PDE10A: variants seen among roughly 807,000 people sequenced by gnomAD.
The protein encoded by PDE10A is phosphodiesterase 10A.
Under a neutral mutation model 97.7 loss-of-function variants are expected in PDE10A, and 39 were observed. That is an observed-to-expected ratio of 0.40 (90% CI 0.31 to 0.52). The LOEUF is 0.52. Ranked by LOEUF, PDE10A falls within the 20% of genes least tolerant of loss-of-function variation. PDE10A has a pLI of 0.56. For missense variants in PDE10A, 731 were observed against 1,047.8 expected, an observed-to-expected ratio of 0.70 and a Z score of 4.17; for synonymous variants, 371 against 376.8, an observed-to-expected ratio of 0.98 and a Z score of 0.18.
At chr6:165,610,508 G>A (rs1787440144) in intron 1 of PDE10A, among the ~76,000 whole-genome samples, 1 of 149,476 alleles carries the variant, frequency 6.7e-6, no homozygotes. Context: ...TCCAGCCTGG[G>A]TGACAGAGCG....
intron 1 of PDE10A, among the ~76,000 whole-genome samples, chr6:165,911,168 T>C (rs1782443608): frequency 6.6e-6 from 1 of 152,212 alleles, no homozygotes; most frequent in Non-Finnish European, 1.5e-5. Context: ...AACCTAATAA[T>C]ACAACTCAAA....
intron 1 of PDE10A, among the ~76,000 whole-genome samples, chr6:165,564,157 G>C (rs1271187431): frequency 2.6e-5 from 4 of 152,088 alleles, no homozygotes; most frequent in Non-Finnish European, 5.9e-5. Flanking sequence ...TAAATATTTA[G>C]AGTCAAGATT....
intron 1 of PDE10A, among the ~76,000 whole-genome samples, chr6:165,845,228 C>A (rs963909251): frequency 6.6e-6 from 1 of 152,084 alleles, no homozygotes; most frequent in African/African-American, 2.4e-5. Context: ...ACCAAGCTTC[C>A]AGTGAACTCC....
intron 1 of PDE10A, among the ~76,000 whole-genome samples, chr6:165,816,951 G>A (rs1395289418): frequency 1.3e-5 from 2 of 152,168 alleles, no homozygotes; most frequent in South Asian, 2.1e-4. Context: ...GCTGGGAGAA[G>A]CAATGGGGCC....
chr6:165,422,323 A>G (rs1225858299), intron 10 of PDE10A, among the ~76,000 whole-genome samples: 4 of 116,170 alleles, frequency 3.4e-5, no homozygotes, highest in Non-Finnish European at 7.2e-5. Flanking sequence ...ACGCATATAC[A>G]CACACAGGCA....
chr6:165,604,074 G>A (rs1025118181), intron 1 of PDE10A, among the ~76,000 whole-genome samples: 2 of 152,112 alleles, frequency 1.3e-5, no homozygotes, highest in African/African-American at 2.4e-5. Context: ...AAAGAAATAG[G>A]AAGGCCTTCC....
At chr6:165,849,777 A>T (rs990955384) in intron 1 of PDE10A, among the ~76,000 whole-genome samples, 1 of 151,910 alleles carries the variant, frequency 6.6e-6, no homozygotes, top group African/African-American at 2.4e-5. Context: ...TTTCTGAATG[A>T]CTACAGTTTG....
chr6:165,950,129 GA>G (rs1318495426), intron 1 of PDE10A, among the ~76,000 whole-genome samples: 1 of 152,140 alleles, frequency 6.6e-6, no homozygotes, highest in African/African-American at 2.4e-5. Context: ...GATGAAGTCA[GA>G]TTGGCTTGAA....
At chr6:165,485,873 C>T (rs1244227391) in intron 2 of PDE10A, among the ~76,000 whole-genome samples, 3 of 152,186 alleles carry the variant, frequency 2.0e-5, no homozygotes, top group African/African-American at 7.2e-5. Flanking sequence ...GGATTACAGG[C>T]GTGAGCTACC....
chr6:165,459,534 CAGACA>C (rs1562486930), intron 3 of PDE10A, among the ~76,000 whole-genome samples: 1 of 99,930 alleles, frequency 1.0e-5, no homozygotes, highest in East Asian at 2.1e-4. Context: ...GACAGACAGA[CAGACA>C]GACAGACAGA....
intron 10 of PDE10A, among the ~76,000 whole-genome samples, chr6:165,425,003 A>ATTC (rs1347972270): frequency 6.6e-6 from 1 of 152,140 alleles, no homozygotes; most frequent in East Asian, 1.9e-4. Context: ...AAATAAATAT[A>ATTC]TTCTCCTGTT....
chr6:165,597,622 T>TA (rs1293902091), intron 1 of PDE10A, among the ~76,000 whole-genome samples: 1 of 152,188 alleles, frequency 6.6e-6, no homozygotes, highest in African/African-American at 2.4e-5. Context: ...AACAAAGACT[T>TA]ACGTGCATTT....
At chr6:165,491,075 G>A (rs573475394) in intron 2 of PDE10A, among the ~76,000 whole-genome samples, 22 of 152,222 alleles carry the variant, frequency 1.4e-4, no homozygotes, top group Non-Finnish European at 2.5e-4. Flanking sequence ...ATGTGCAAAT[G>A]GACACTAAAA....
chr6:165,347,102 T>A (rs1174966373), intron 18 of PDE10A, among the ~76,000 whole-genome samples: 1 of 152,146 alleles, frequency 6.6e-6, no homozygotes, highest in East Asian at 1.9e-4. Context: ...ATGCTTTTTT[T>A]TTTATCTTGC....
rs759734243 is a variant in PDE10A, at chr6:165,332,991, T to C, written c.*34A>G. ...ATGTCAAAGAAGCAAGATGAGGATC[T>C]GTAGGTGGGACAGCGTGTCAGGGTG... On this transcript the variant is annotated 3_prime_UTR_variant, in exon 22 of 22. Transcript: ENST00000539869. The C allele has an allele frequency of 5.5e-6, 5 of 904,490 alleles. No individual in the cohort carries two copies. Among genetic ancestry groups the C allele is most frequent in the Non-Finnish European group, 6.8e-6 (4 of 587,624 alleles). The allele number at this position is 904,490 out of a possible 1,614,324, so 56.0% of individuals were successfully genotyped here.
intron 1 of PDE10A, among the ~76,000 whole-genome samples, chr6:165,713,515 A>T (rs2128446759): frequency 6.6e-6 from 1 of 152,342 alleles, no homozygotes; most frequent in African/African-American, 2.4e-5. Context: ...CTACCCCACA[A>T]GATGCTCAGA....
intron 1 of PDE10A, among the ~76,000 whole-genome samples, chr6:165,709,838 G>A (rs908013008): frequency 6.6e-6 from 1 of 150,470 alleles, no homozygotes; most frequent in African/African-American, 2.5e-5. Context: ...AAGACTGAGT[G>A]GTCTTTGAAA....
chr6:165,884,808 C>T (rs1781583609), intron 1 of PDE10A, among the ~76,000 whole-genome samples: 1 of 152,084 alleles, frequency 6.6e-6, no homozygotes. Flanking sequence ...CTGCAATGAG[C>T]GAGGCTTTGT....
At chr6:165,481,985 G>C (rs953199889) in intron 3 of PDE10A, among the ~76,000 whole-genome samples, 1 of 152,164 alleles carries the variant, frequency 6.6e-6, no homozygotes, top group Non-Finnish European at 1.5e-5. Context: ...TGCCCTGTGA[G>C]AGTTATCTTA....
Sources: gnomAD v4.1 joint callset for allele counts (sites outside exome capture counted in the v4.1 genomes callset) on GRCh38, gnomAD v4.1.1 for gene constraint, MANE v1.5 for transcripts, NCBI Gene and HGNC (gene_info 2026-07-23, HGNC 2026-07-21) for gene names.